CNNM2: variants seen among roughly 807,000 people sequenced by gnomAD.
The protein encoded by CNNM2 is metal transporter CNNM2.
Under a neutral mutation model 66.9 loss-of-function variants are expected in CNNM2, and 12 were observed. The ratio of observed to expected loss-of-function variants is 0.18; its 90% confidence interval spans 0.11 to 0.29. The LOEUF (loss-of-function observed/expected upper bound fraction) is 0.29, where lower values mean the gene tolerates loss of function less well. Among genes scored for constraint, CNNM2 ranks in the 10% least tolerant of loss-of-function variants. The pLI, the probability that CNNM2 is intolerant of heterozygous loss-of-function variation, is 1.00. For missense variants in CNNM2, 705 were observed against 1,167.7 expected, an observed-to-expected ratio of 0.60 and a Z score of 5.77; for synonymous variants, 557 against 501.8, an observed-to-expected ratio of 1.11 and a Z score of -1.47.
intron 1 of CNNM2, among the ~76,000 whole-genome samples, chr10:103,018,405 G>A (rs2064498322): frequency 6.6e-6 from 1 of 152,174 alleles, no homozygotes; most frequent in Admixed American, 6.6e-5. Context: ...GAGATACTAA[G>A]TAGGCAATTG....
intron 1 of CNNM2, chr10:102,927,433 C>T (rs368670058): frequency 6.2e-7 from 1 of 1,611,870 alleles, no homozygotes; most frequent in Non-Finnish European, 8.5e-7. Flanking sequence ...CAGACATTGG[C>T]AACTCTAGGA....
Position 103,085,490 on chromosome 10 carries a change from C to A in CNNM2, c.*8310C>A, listed in dbSNP as rs1693847121. The stretch of plus-strand genomic sequence containing the variant: ...TTTCGTGGGAAAAATGTGTGCTCAG[C>A]TGCTTGGGCTCCAGTTTGTGTGGGA... On this transcript the variant is annotated 3_prime_UTR_variant, in exon 8 of 8. Coordinates refer to ENST00000369878, the MANE Select transcript of CNNM2 (RefSeq NM_017649.5). 1 of 152,186 alleles carries A rather than the reference C, an allele frequency of 6.6e-6. No individual in the cohort carries two copies. Among genetic ancestry groups the A allele is most frequent in the Admixed American group, 6.5e-5 (1 of 15,272 alleles). 9.4% of individuals were successfully genotyped at this position (152,186 alleles called of 1,614,324 possible).
rs1205758165 is a variant in CNNM2, at chr10:103,015,128, A to T, written c.1622-34579A>T. Among the ~76,000 whole-genome samples, 4 of 152,228 alleles carry T rather than the reference A, an allele frequency of 2.6e-5. No homozygotes were observed. In the East Asian group the frequency reaches 7.7e-4, roughly 29 times the overall value. On this transcript the variant is annotated intron_variant, in intron 1 of 7. Coordinates refer to ENST00000369878, the MANE Select transcript of CNNM2 (RefSeq NM_017649.5). ...GATTACACTTGCTTAAATACAACTT[A>T]TACAAATATATCACTACCATTTATT...
chr10:102,978,850 T>G (rs1229669339), intron 1 of CNNM2, among the ~76,000 whole-genome samples: 1 of 152,222 alleles, frequency 6.6e-6, no homozygotes, highest in Non-Finnish European at 1.5e-5. Context: ...GTACTTTATC[T>G]ATAATAAATG....
At chr10:103,071,210 G>A (rs528751578) in intron 5 of CNNM2, among the ~76,000 whole-genome samples, 1 of 152,310 alleles carries the variant, frequency 6.6e-6, no homozygotes, top group South Asian at 2.1e-4. Context: ...GTGAGTAAGT[G>A]GTGATGAGGA....
intron 1 of CNNM2, among the ~76,000 whole-genome samples, chr10:102,945,591 C>A (rs1471136247): frequency 6.6e-6 from 1 of 152,044 alleles, no homozygotes; most frequent in African/African-American, 2.4e-5. Flanking sequence ...TCCAGCCACA[C>A]TGAAGCAGAG....
intron 1 of CNNM2, among the ~76,000 whole-genome samples, chr10:102,963,628 G>A (rs2063417668): frequency 6.6e-6 from 1 of 150,424 alleles, no homozygotes. Flanking sequence ...ATTGTAAACA[G>A]TTTTTATTTT....
intron 1 of CNNM2, among the ~76,000 whole-genome samples, chr10:103,019,248 G>A (rs1170427048): frequency 6.8e-6 from 1 of 146,250 alleles, no homozygotes; most frequent in African/African-American, 2.5e-5. Context: ...CAGCCTGGGC[G>A]ACATAGTGAG....
intron 1 of CNNM2, among the ~76,000 whole-genome samples, chr10:103,003,930 T>C (rs189311189): frequency 5.9e-5 from 9 of 151,850 alleles, no homozygotes; most frequent in Admixed American, 5.9e-4. Context: ...ATTATATTTG[T>C]GAGTTGTATT....
chr10:103,032,699 T>C (rs2064852116), intron 1 of CNNM2, among the ~76,000 whole-genome samples: 1 of 150,566 alleles, frequency 6.6e-6, no homozygotes, highest in African/African-American at 2.4e-5. Context: ...CTGCATAGCA[T>C]TCTATTGCTG....
chr10:102,986,370 A>G (rs986651710), intron 1 of CNNM2, among the ~76,000 whole-genome samples: 1 of 151,944 alleles, frequency 6.6e-6, no homozygotes, highest in East Asian at 1.9e-4. Context: ...TCTCCCGAGT[A>G]TGGGTGGTGA....
chr10:103,041,468 G>A (rs1325123739), intron 1 of CNNM2, among the ~76,000 whole-genome samples: 1 of 152,158 alleles, frequency 6.6e-6, no homozygotes, highest in African/African-American at 2.4e-5. Flanking sequence ...GAAGAGGACA[G>A]CTGAACTGTC....
intron 1 of CNNM2, among the ~76,000 whole-genome samples, chr10:102,969,475 G>A (rs529295922): frequency 5.3e-5 from 8 of 152,022 alleles, no homozygotes; most frequent in Admixed American, 4.6e-4. Context: ...GCCTCCCAAA[G>A]TGCTGGGATT....
At chr10:102,944,391 C>G (rs1846536423) in intron 1 of CNNM2, among the ~76,000 whole-genome samples, 1 of 152,056 alleles carries the variant, frequency 6.6e-6, no homozygotes. Flanking sequence ...TTTCGTAACT[C>G]TTATAGTACC....
At chr10:103,063,212 C>T (rs986752959) in intron 4 of CNNM2, among the ~76,000 whole-genome samples, 3 of 152,122 alleles carry the variant, frequency 2.0e-5, no homozygotes, top group Non-Finnish European at 4.4e-5. Flanking sequence ...TTGCAGACTC[C>T]AGATTGAAAG....
intron 2 of CNNM2, among the ~76,000 whole-genome samples, chr10:103,050,955 A>G (rs1252009775): frequency 1.3e-5 from 2 of 152,142 alleles, no homozygotes; most frequent in Non-Finnish European, 2.9e-5. Context: ...CCATAAAGCC[A>G]GAGATGGTCC....
At chr10:103,047,248 G>A (rs2065141627) in intron 1 of CNNM2, among the ~76,000 whole-genome samples, 1 of 152,212 alleles carries the variant, frequency 6.6e-6, no homozygotes, top group African/African-American at 2.4e-5. Context: ...GATGTAACTA[G>A]AAAACCTATA....
At chr10:103,008,121 C>G (rs918346905) in intron 1 of CNNM2, among the ~76,000 whole-genome samples, 5 of 151,640 alleles carry the variant, frequency 3.3e-5, no homozygotes, top group Admixed American at 6.6e-5. Flanking sequence ...TTTACAATAT[C>G]TTGTGTTAGA....
Position 103,054,486 on chromosome 10 carries a change from G to A in CNNM2, c.1903+20G>A, listed in dbSNP as rs1445435034. 4.3e-6 allele frequency: 7 copies of A among 1,612,148 alleles called. No homozygotes were observed. The highest frequency in any genetic ancestry group is 5.1e-6 in the Non-Finnish European group (6 of 1,178,770). ...CAACAGGCAAGTGCAGCTTATCACA[G>A]TTTGAGATCTCTACCAACCCTGAAG... On this transcript the variant is annotated intron_variant, in intron 3 of 7. Coordinates refer to ENST00000369878, the MANE Select transcript of CNNM2 (RefSeq NM_017649.5). The surrounding 1 kb of genome is among the most constrained non-coding windows in gnomAD (Gnocchi z 5.2).
Sources: allele counts gnomAD v4.1 joint callset (sites outside exome capture counted in the v4.1 genomes callset), GRCh38; gene constraint gnomAD v4.1.1; non-coding constraint Gnocchi (gnomAD v3.1); transcripts MANE v1.5; gene names NCBI Gene and HGNC (gene_info 2026-07-23, HGNC 2026-07-21).